PLCE1: variants seen among roughly 807,000 people sequenced by gnomAD.
The protein encoded by PLCE1 is phospholipase C epsilon 1, also known as 1-phosphatidylinositol 4,5-bisphosphate phosphodiesterase epsilon-1.
A neutral mutation model predicts 242.8 loss-of-function variants in PLCE1; 119 were observed. The ratio of observed to expected loss-of-function variants is 0.49; its 90% CI spans 0.42 to 0.57. PLCE1 has a LOEUF of 0.57. Among genes scored for constraint, PLCE1 ranks in the 20% least tolerant of loss-of-function variants. PLCE1 has a pLI of 0.00. For missense variants in PLCE1, 2,441 were observed against 2,788.8 expected (o/e 0.88, Z 2.81); for synonymous variants, 945 against 1,017.4 (o/e 0.93, Z 1.35).
In PLCE1 at chr10:93,994,243, C is replaced by G. The variant is rs2060775386; in HGVS notation, c.-380C>G. On this transcript the variant is annotated 5_prime_UTR_variant, in exon 1 of 33. Coordinates refer to ENST00000371380, the MANE Select transcript of PLCE1 (RefSeq NM_016341.4). ...TGCGCTTGGGGACGCCGGCGAGACT[C>G]GCCAGGAGCCAAGAGGTGAGGAAGC... is the stretch of plus-strand genomic sequence containing the variant. Among the ~76,000 whole-genome samples, 1 of 152,340 alleles carries G rather than the reference C, an allele frequency of 6.6e-6. No homozygotes were observed. Among genetic ancestry groups the G allele is most frequent in the African/African-American group, 2.4e-5 (1 of 41,596 alleles).
intron 3 of PLCE1, chr10:94,137,778 A>C (rs1307656781): frequency 1.0e-5 from 2 of 192,366 alleles, no homozygotes; most frequent in Admixed American, 1.2e-4. Context: ...GCCAGGAGGA[A>C]AGTCTGTTAC....
chr10:94,289,046 C>A (rs1442366206), intron 22 of PLCE1, among the ~76,000 whole-genome samples: 2 of 152,096 alleles, frequency 1.3e-5, no homozygotes, highest in Non-Finnish European at 2.9e-5. Context: ...CAGGTTGGAA[C>A]ACCTTGGAGG....
intron 5 of PLCE1, among the ~76,000 whole-genome samples, chr10:94,229,305 G>A (rs1182363763): frequency 6.6e-6 from 1 of 152,100 alleles, no homozygotes; most frequent in African/African-American, 2.4e-5. Context: ...ATCATTCTGT[G>A]TCTGGCAAGT....
chr10:94,039,682 A>C (rs2061730674), intron 2 of PLCE1, among the ~76,000 whole-genome samples: 2 of 152,180 alleles, frequency 1.3e-5, no homozygotes, highest in African/African-American at 4.8e-5. Context: ...CACCACACCC[A>C]GCCTGATTTC....
At chr10:94,186,530 G>A (rs911083972) in intron 4 of PLCE1, among the ~76,000 whole-genome samples, 1 of 152,144 alleles carries the variant, frequency 6.6e-6, no homozygotes, top group Non-Finnish European at 1.5e-5. Flanking sequence ...TTCATATTCA[G>A]ATTTGATAAA....
chr10:94,223,349 G>A (rs918250586), intron 4 of PLCE1, among the ~76,000 whole-genome samples: 1 of 152,048 alleles, frequency 6.6e-6, no homozygotes, highest in Admixed American at 6.6e-5. Flanking sequence ...CCTAAAAGGA[G>A]GGATATAGGG....
intron 27 of PLCE1, among the ~76,000 whole-genome samples, chr10:94,309,905 A>G (rs1425761895): frequency 6.6e-6 from 1 of 152,110 alleles, no homozygotes; most frequent in Non-Finnish European, 1.5e-5. Flanking sequence ...GAGCACCTAT[A>G]GTCCCAGCTA....
chr10:94,109,639 A>T (rs1004548412), intron 2 of PLCE1, among the ~76,000 whole-genome samples: 3 of 152,206 alleles, frequency 2.0e-5, no homozygotes, highest in Non-Finnish European at 4.4e-5. Flanking sequence ...AAATAAAATT[A>T]AATACAATAA....
chr10:94,179,972 TA>T (rs1447706143), intron 4 of PLCE1, among the ~76,000 whole-genome samples: 2 of 151,988 alleles, frequency 1.3e-5, no homozygotes, highest in African/African-American at 4.8e-5. Flanking sequence ...ACAGCATTAT[TA>T]GAATAACTAA....
At chr10:94,323,049 A>G (rs543220360) in intron 30 of PLCE1, among the ~76,000 whole-genome samples, 1 of 152,328 alleles carries the variant, frequency 6.6e-6, no homozygotes, top group South Asian at 2.1e-4. Context: ...TTGGATCTCT[A>G]TAAAGCATTG....
At chr10:94,269,989 C>T (rs2051668098) in intron 17 of PLCE1, among the ~76,000 whole-genome samples, 2 of 152,154 alleles carry the variant, frequency 1.3e-5, no homozygotes, top group South Asian at 4.1e-4. Context: ...TGCATTTTCT[C>T]CTCAACTTGG....
At chr10:94,141,771 T>C (rs915383661) in intron 3 of PLCE1, among the ~76,000 whole-genome samples, 2 of 152,074 alleles carry the variant, frequency 1.3e-5, no homozygotes, top group Admixed American at 6.5e-5. Flanking sequence ...TCCTAATCAA[T>C]GCAGTCAGAA....
At chr10:94,238,271 A>C (rs1294821603) in intron 7 of PLCE1, among the ~76,000 whole-genome samples, 1 of 152,246 alleles carries the variant, frequency 6.6e-6, no homozygotes, top group Non-Finnish European at 1.5e-5. Flanking sequence ...AACAACAAAA[A>C]ACAAACTTCA....
At position 94,304,595 on chromosome 10, in the gene PLCE1, C is replaced by G. The variant is rs1233710771; in HGVS notation, c.5572C>G (p.Pro1858Ala). ...CTGCCCCATGTATCAGAAGTTTTCTCCACTAGAAAGAGATCTGGACAGCAT... is the reference window on the plus strand; with the variant it reads ...CTGCCCCATGTATCAGAAGTTTTCTGCACTAGAAAGAGATCTGGACAGCAT... ...KNCPMYQKFS[P>A]LERDLDSMDP... Residue 1858 changes from proline to alanine, a missense_variant, in exon 25 of 33, where the codon CCA (proline) becomes GCA (alanine). Transcript: ENST00000371380. The G allele has an allele frequency of 6.2e-7, 1 of 1,614,062 alleles. No individual in the cohort carries two copies. Among genetic ancestry groups the G allele is most frequent in the East Asian group, 2.2e-5 (1 of 44,884 alleles).
intron 3 of PLCE1, among the ~76,000 whole-genome samples, chr10:94,157,273 C>G (rs2047462804): frequency 6.6e-6 from 1 of 152,180 alleles, no homozygotes; most frequent in Admixed American, 6.5e-5. Flanking sequence ...TTCCCTCTTC[C>G]TCTTGCAAAT....
intron 3 of PLCE1, among the ~76,000 whole-genome samples, chr10:94,158,112 T>G (rs2047490555): frequency 6.6e-6 from 1 of 152,216 alleles, no homozygotes; most frequent in Non-Finnish European, 1.5e-5. Context: ...GATTGTTGAT[T>G]GTTATAAAAC....
Position 94,132,315 on chromosome 10 carries a change from G to C in PLCE1, c.1348G>C (p.Val450Leu). Residue 450 changes from valine to leucine, a missense_variant, in exon 3 of 33, where the codon GTA becomes CTA. Physicochemically the swap from Val to Leu is conservative, Grantham distance 32 (BLOSUM62 1). Coordinates refer to ENST00000371380, the MANE Select transcript of PLCE1 (RefSeq NM_016341.4). ...PCLKQCVRDT[V>L]CEYRATLQRT... ...CTTAAAGCAATGTGTCCGAGACACT[G>C]TATGTGAGTATCGCGCCACCCTCCA... is the stretch of plus-strand genomic sequence containing the variant. The C allele has an allele frequency of 6.2e-7, 1 of 1,614,008 alleles. No individual in the cohort carries two copies. Among genetic ancestry groups the C allele is most frequent in the South Asian group, 1.1e-5 (1 of 91,060 alleles).
chr10:94,083,958 T>C (rs2044727770), intron 2 of PLCE1, among the ~76,000 whole-genome samples: 1 of 152,228 alleles, frequency 6.6e-6, no homozygotes, highest in Non-Finnish European at 1.5e-5. Context: ...GTTCAAGTCC[T>C]GGCTTAATAA....
At chr10:94,265,470 A>G (rs2051480117) in intron 14 of PLCE1, among the ~76,000 whole-genome samples, 177 bp from the exon 15 acceptor site, 1 of 152,226 alleles carries the variant, frequency 6.6e-6, no homozygotes, top group African/African-American at 2.4e-5. Context: ...CATATAATAA[A>G]TGTTTTCTTT....
Sources: gnomAD v4.1 joint callset for allele counts (sites outside exome capture counted in the v4.1 genomes callset) on GRCh38, gnomAD v4.1.1 for gene constraint, MANE v1.5 for transcripts, NCBI Gene and HGNC (gene_info 2026-07-23, HGNC 2026-07-21) for gene names.